The following GULP1 variants were observed in gnomAD, a reference collection of about 807,000 sequenced individuals.
GULP1 encodes the protein GULP PTB domain containing engulfment adaptor 1, also known as PTB domain-containing engulfment adapter protein 1.
In GULP1, 19 loss-of-function variants were observed where a neutral mutation model predicts 40.9. The ratio of observed to expected loss-of-function variants is 0.46; its 90% confidence interval spans 0.32 to 0.68. The LOEUF is 0.68. Among genes scored for constraint, GULP1 ranks in the 30% least tolerant of loss-of-function variants. The probability of loss-of-function intolerance (pLI) is 0.03; values close to 1 mark genes in which losing one functional copy is unlikely to be tolerated. For missense variants in GULP1, 312 were observed against 362.2 expected, an observed-to-expected ratio of 0.86 and a Z score of 1.12; for synonymous variants, 119 against 117.6, an observed-to-expected ratio of 1.01 and a Z score of -0.08.
chr2:188,353,480 C>G (rs1458227533), intron 1 of GULP1, among the ~76,000 whole-genome samples: 1 of 152,120 alleles, frequency 6.6e-6, no homozygotes, highest in East Asian at 1.9e-4. Context: ...GGGGCCTGAG[C>G]TGAAGCTACA....
At chr2:188,411,184 C>T (rs1374017201) in intron 2 of GULP1, among the ~76,000 whole-genome samples, 1 of 152,148 alleles carries the variant, frequency 6.6e-6, no homozygotes, top group Non-Finnish European at 1.5e-5. Flanking sequence ...CCGGGACCCT[C>T]AGCCAGACTG....
At chr2:188,403,603 C>T (rs2052628035) in intron 2 of GULP1, among the ~76,000 whole-genome samples, 1 of 152,134 alleles carries the variant, frequency 6.6e-6, no homozygotes, top group Non-Finnish European at 1.5e-5. Flanking sequence ...TCAGAGAACT[C>T]TCAGTAGACC....
At chr2:188,461,118 T>C (rs1328106598) in intron 2 of GULP1, among the ~76,000 whole-genome samples, 1 of 152,158 alleles carries the variant, frequency 6.6e-6, no homozygotes, top group African/African-American at 2.4e-5. Context: ...TATGTATTTA[T>C]TTATTTATGA....
At chr2:188,302,875 T>A (rs2036383236) in intron 1 of GULP1, among the ~76,000 whole-genome samples, 1 of 152,200 alleles carries the variant, frequency 6.6e-6, no homozygotes, top group Non-Finnish European at 1.5e-5. Flanking sequence ...GCAAGAATCC[T>A]GACTAGTAAT....
At chr2:188,325,537 G>A (rs903897014) in intron 1 of GULP1, among the ~76,000 whole-genome samples, 2 of 151,892 alleles carry the variant, frequency 1.3e-5, no homozygotes, top group African/African-American at 4.8e-5. Context: ...AAAACATTCT[G>A]GTGAATTTAC....
chr2:188,476,163 G>A (rs1011875432), intron 2 of GULP1, among the ~76,000 whole-genome samples: 2 of 152,140 alleles, frequency 1.3e-5, no homozygotes, highest in African/African-American at 4.8e-5. Context: ...TAATGCATTA[G>A]AATTAGATTC....
Position 188,575,081 on chromosome 2 carries a change from A to G in GULP1, c.609+4961A>G, listed in dbSNP as rs1413348953. Among the ~76,000 whole-genome samples the G allele has an allele frequency of 5.3e-5, 8 of 152,188 alleles. 1 individual carries two copies. The East Asian group carries it at 1.3e-3, about 26-fold the overall frequency. ...TGCAAACTAAATAATTTTAGGTTGA[A>G]GCCTTGAATAAAAATATTCAAGACT... is the stretch of plus-strand genomic sequence containing the variant. On this transcript the variant is annotated intron_variant, in intron 9 of 11. Coordinates refer to ENST00000409830, the MANE Select transcript of GULP1 (RefSeq NM_016315.4).
At chr2:188,527,911 C>T (rs978558738) in intron 5 of GULP1, among the ~76,000 whole-genome samples, 2 of 152,154 alleles carry the variant, frequency 1.3e-5, no homozygotes, top group African/African-American at 4.8e-5. Flanking sequence ...GTAACTGTGA[C>T]ATACAAGAGG....
intron 2 of GULP1, chr2:188,384,363 A>C (rs1208440347): frequency 6.6e-6 from 1 of 152,088 alleles, no homozygotes; most frequent in African/African-American, 2.4e-5. Flanking sequence ...ATTTTGTGAG[A>C]CCCACTCACT....
intron 7 of GULP1, among the ~76,000 whole-genome samples, chr2:188,557,771 A>G (rs1336555071): frequency 6.6e-6 from 1 of 152,192 alleles, no homozygotes; most frequent in African/African-American, 2.4e-5. Flanking sequence ...TCTTGCAGCA[A>G]GGCTCGCTTC....
chr2:188,393,103 C>T (rs1017759007), intron 2 of GULP1, among the ~76,000 whole-genome samples: 1 of 151,308 alleles, frequency 6.6e-6, no homozygotes, highest in African/African-American at 2.4e-5. Flanking sequence ...TCAGTTTGTT[C>T]TAGAGTATAG....
At chr2:188,571,676 A>C (rs1251838966) in intron 9 of GULP1, among the ~76,000 whole-genome samples, 1 of 152,204 alleles carries the variant, frequency 6.6e-6, no homozygotes, top group Non-Finnish European at 1.5e-5. Context: ...CAAACTCATT[A>C]TTCAACCTTC....
chr2:188,405,854 G>C (rs10931358), intron 2 of GULP1, among the ~76,000 whole-genome samples: 4,167 of 152,144 alleles, frequency 0.027, 202 homozygotes, highest in African/African-American at 0.095. Flanking sequence ...GAAAAGTCCT[G>C]GTTTCTTCAA....
intron 2 of GULP1, among the ~76,000 whole-genome samples, chr2:188,411,846 T>C (rs866514381): frequency 6.6e-6 from 1 of 152,190 alleles, no homozygotes; most frequent in Non-Finnish European, 1.5e-5. Flanking sequence ...AGATTTCCCT[T>C]CTTCTGTCCT....
intron 7 of GULP1, among the ~76,000 whole-genome samples, chr2:188,557,141 A>G (rs1049869506): frequency 6.6e-6 from 1 of 152,140 alleles, no homozygotes; most frequent in Admixed American, 6.5e-5. Context: ...CAGATCCAAA[A>G]CATATCTTTC....
chr2:188,492,379 T>C (rs1229936844), intron 4 of GULP1, among the ~76,000 whole-genome samples: 1 of 152,058 alleles, frequency 6.6e-6, no homozygotes, highest in Non-Finnish European at 1.5e-5. Flanking sequence ...TATAGACTTT[T>C]GGTTAACAGT....
chr2:188,404,183 TA>T (rs1392498427), intron 2 of GULP1, among the ~76,000 whole-genome samples: 1 of 152,164 alleles, frequency 6.6e-6, no homozygotes, highest in Non-Finnish European at 1.5e-5. Flanking sequence ...CTAATGTTTT[TA>T]AAAGAAACCC....
intron 9 of GULP1, among the ~76,000 whole-genome samples, chr2:188,576,483 A>G (rs961621072): frequency 6.6e-6 from 1 of 152,162 alleles, no homozygotes; most frequent in Non-Finnish European, 1.5e-5. Flanking sequence ...CTTCATATGC[A>G]TGATAAATGG....
At chr2:188,456,382 A>T (rs1303262601) in intron 2 of GULP1, among the ~76,000 whole-genome samples, 1 of 152,148 alleles carries the variant, frequency 6.6e-6, no homozygotes, top group African/African-American at 2.4e-5. Flanking sequence ...CAGCCTAGGA[A>T]CTTGGTGCCT....
Sources: allele counts gnomAD v4.1 joint callset (sites outside exome capture counted in the v4.1 genomes callset), GRCh38; gene constraint gnomAD v4.1.1; transcripts MANE v1.5; gene names NCBI Gene and HGNC (gene_info 2026-07-23, HGNC 2026-07-21).